Variants in SPATA24 observed in about 807,000 individuals in gnomAD.
SPATA24 encodes the protein spermatogenesis-associated protein 24.
SPATA24 carries 21 observed loss-of-function variants against 28.9 expected under a neutral mutation model. That is an observed-to-expected ratio of 0.73 (90% CI 0.52 to 1.05). The LOEUF is 1.05. Ranked by LOEUF, SPATA24 falls within the 50% of genes least tolerant of loss-of-function variation. The probability of loss-of-function intolerance (pLI) is 0.00; values close to 1 mark genes in which losing one functional copy is unlikely to be tolerated. For missense variants in SPATA24, 215 were observed against 242.9 expected (o/e 0.88, Z 0.76); for synonymous variants, 76 against 89.9 (o/e 0.85, Z 0.88).
At chr5:139,394,715 AGCCGAACAGGGGTCCGAC>A, downstream of SPATA24, 1 of 1,532,742 alleles carries the variant, frequency 6.5e-7, no homozygotes, top group Non-Finnish European at 8.7e-7. Flanking sequence ...GCGCCGGAGC[AGCCGAACAGGGGTCCGAC>A]GCCGAAGATG....
At chr5:139,394,937 C>T (rs1316537011), downstream of SPATA24, 44 of 1,520,820 alleles carry the variant, frequency 2.9e-5, no homozygotes, top group East Asian at 1.2e-3. Context: ...CCTTTCGCGT[C>T]CGGCCCAACG....
At chr5:139,394,560 C>T, downstream of SPATA24, 1 of 1,508,798 alleles carries the variant, frequency 6.6e-7, no homozygotes, top group Non-Finnish European at 8.8e-7. Flanking sequence ...GCCCACGGGG[C>T]CGCAGCTCTA....
chr5:139,402,720 G>A, intron 1 of SPATA24, 27 bp from the exon 2 acceptor site: 1 of 1,547,388 alleles, frequency 6.5e-7, no homozygotes, highest in Non-Finnish European at 8.7e-7. Context: ...CTGAGGGAGG[G>A]CCTGGGGCTG....
downstream of SPATA24, chr5:139,396,078 C>T (rs375991907): frequency 9.9e-6 from 7 of 705,042 alleles, no homozygotes; most frequent in East Asian, 4.0e-4. Context: ...TGACTCAGGC[C>T]CCAGCTGGCC....
chr5:139,396,963 C>T, intron 5 of SPATA24, 34 bp from the exon 6 acceptor site: 4 of 1,551,518 alleles, frequency 2.6e-6, no homozygotes, highest in Non-Finnish European at 3.5e-6. Context: ...GGGCTGTGGA[C>T]AGCCAAGGGT....
At chr5:139,402,419 T>C (rs922487359) in intron 2 of SPATA24, among the ~76,000 whole-genome samples, 4 of 151,522 alleles carry the variant, frequency 2.6e-5, no homozygotes, top group African/African-American at 9.7e-5. Context: ...TTTTTTGTAT[T>C]TTTAGTAGAG....
At position 139,401,934 on chromosome 5, in the gene SPATA24, T is replaced by C. The variant is rs1006365526; in HGVS notation, c.295A>G (p.Lys99Glu). The stretch of plus-strand genomic sequence containing the variant: ...ACTCACGCTTTTTCAAAGGCCAGCT[T>C]CTCTTTCTCCAGCTGCTTGGATAGC... ...EVLSKQLEKE[K>E]LAFEKALSSV... Residue 99 changes from lysine (K) to glutamate (E), a missense_variant, in exon 3 of 6, where the codon AAG (lysine) becomes GAG (glutamate). By Grantham distance (56) the Lys-to-Glu change is moderately conservative (BLOSUM62 1). Coordinates refer to ENST00000450845, the MANE Select transcript of SPATA24 (RefSeq NM_194296.2). 1.3e-6 allele frequency: 2 copies of C among 1,551,732 alleles called. No homozygotes were observed. Among genetic ancestry groups the C allele is most frequent in the Admixed American group, 2.0e-5 (1 of 50,976 alleles).
chr5:139,403,987 A>G lies in SPATA24; in HGVS notation c.74T>C (p.Val25Ala). ...GATTAGTTCCTCCTGAGACTCAATC[A>G]CGTCCCGCAGTTGATCTAAAGCGAG... ...VCLALDQLRD[V>A]IESQEELIHQ... is the part of the protein sequence containing the mutation. Residue 25 changes from valine (V) to alanine (A), a missense_variant, in exon 1 of 6, where the codon GTG becomes GCG. Coordinates refer to ENST00000450845, the MANE Select transcript of SPATA24 (RefSeq NM_194296.2). 6.4e-6 allele frequency: 10 copies of G among 1,551,862 alleles called. No individual in the cohort carries two copies. The highest frequency in any genetic ancestry group is 8.7e-6 in the Non-Finnish European group (10 of 1,147,042).
downstream of SPATA24, chr5:139,393,087 C>A (rs1463268235): frequency 1.2e-5 from 18 of 1,524,780 alleles, no homozygotes; most frequent in Admixed American, 4.3e-5. Context: ...GCGGCTCTTG[C>A]GTCTTGGATT....
downstream of SPATA24, chr5:139,392,795 C>T: frequency 6.8e-7 from 1 of 1,469,780 alleles, no homozygotes; most frequent in Non-Finnish European, 9.0e-7. The surrounding 1 kb of genome is among the most constrained non-coding windows in gnomAD (Gnocchi z 5.8). Flanking sequence ...TGGGCCTCTA[C>T]ATCCCTGTTC....
At chr5:139,393,805 C>G (rs1382321247), downstream of SPATA24, 1 of 1,551,332 alleles carries the variant, frequency 6.4e-7, no homozygotes, top group Non-Finnish European at 8.7e-7. Context: ...CAATGGGCTA[C>G]TCACCCTCCG....
chr5:139,403,639 TG>T (rs1230788967), intron 1 of SPATA24, among the ~76,000 whole-genome samples: 3 of 152,192 alleles, frequency 2.0e-5, no homozygotes, highest in Non-Finnish European at 4.4e-5. Flanking sequence ...AGGAGGGCCA[TG>T]GGAACTCAGT....
downstream of SPATA24, among the ~76,000 whole-genome samples, chr5:139,396,032 A>G (rs568932603): frequency 6.6e-6 from 1 of 152,256 alleles, no homozygotes; most frequent in South Asian, 2.1e-4. Context: ...TGTGGGCACC[A>G]CTTGCCCTTA....
chr5:139,393,239 C>A (rs912228807), downstream of SPATA24: 1 of 1,549,144 alleles, frequency 6.5e-7, no homozygotes, highest in Non-Finnish European at 8.7e-7. Flanking sequence ...CGCGGGCGTC[C>A]CGAGGCCGCC....
Position 139,396,797 on chromosome 5 carries a change from A to G in SPATA24, c.*3T>C, listed in dbSNP as rs1758718510. On this transcript the variant is annotated 3_prime_UTR_variant, in exon 6 of 6. Coordinates refer to ENST00000450845, the MANE Select transcript of SPATA24 (RefSeq NM_194296.2). ...GCCAGAGAACAGGAAAGCGGCGGCCATTTTATTTTTCCCTGGGATGCTGGT... is the reference window on the plus strand; with the variant it reads ...GCCAGAGAACAGGAAAGCGGCGGCCGTTTTATTTTTCCCTGGGATGCTGGT... 1.3e-6 allele frequency: 2 copies of G among 1,551,718 alleles called. No individual in the cohort carries two copies. The highest frequency in any genetic ancestry group is 1.4e-5 in the African/African-American group (1 of 73,172).
downstream of SPATA24, chr5:139,392,712 G>A (rs1165097566): frequency 7.1e-6 from 10 of 1,406,298 alleles, no homozygotes; most frequent in Non-Finnish European, 6.5e-6. The surrounding 1 kb of genome is among the most constrained non-coding windows in gnomAD (Gnocchi z 5.8). Flanking sequence ...CTGGCCCTAC[G>A]GGGGAGCGCT....
At chr5:139,400,941 G>A (rs1758809165) in intron 4 of SPATA24, among the ~76,000 whole-genome samples, 1 of 151,858 alleles carries the variant, frequency 6.6e-6, no homozygotes, top group Admixed American at 6.6e-5. Context: ...GGGATCACCT[G>A]AGGTCAGGAG....
chr5:139,393,301 G>A (rs1758631938), downstream of SPATA24: 1 of 1,550,602 alleles, frequency 6.4e-7, no homozygotes, highest in East Asian at 2.4e-5. Context: ...GGTGCCCACA[G>A]GGTGGCTGCC....
At chr5:139,394,731 G>A (rs1284982014), downstream of SPATA24, 2 of 1,532,498 alleles carry the variant, frequency 1.3e-6, no homozygotes, top group Non-Finnish European at 1.7e-6. Context: ...ACAGGGGTCC[G>A]ACGCCGAAGA....
Sources: allele counts gnomAD v4.1 joint callset (sites outside exome capture counted in the v4.1 genomes callset), GRCh38; gene constraint gnomAD v4.1.1; non-coding constraint Gnocchi (gnomAD v3.1); transcripts MANE v1.5; gene names NCBI Gene and HGNC (gene_info 2026-07-23, HGNC 2026-07-21).